Variants in DCC observed in about 807,000 individuals in gnomAD.
DCC encodes netrin receptor DCC.
Under a neutral mutation model 172.5 loss-of-function variants are expected in DCC, and 58 were observed. The ratio of observed to expected loss-of-function variants is 0.34; its 90% CI spans 0.27 to 0.42. The LOEUF is 0.42. Among genes scored for constraint, DCC ranks in the 10% least tolerant of loss-of-function variants. The pLI, the probability that DCC is intolerant of heterozygous loss-of-function variation, is 1.00. For synonymous variants in DCC, 709 were observed against 644.5 expected, an observed-to-expected ratio of 1.10 and a Z score of -1.52; for missense variants, 1,740 against 1,791.0, an observed-to-expected ratio of 0.97 and a Z score of 0.51.
In DCC at chr18:53,391,661, C is replaced by T. The variant is rs779182036; in HGVS notation, c.2462C>T (p.Thr821Ile). Reference sequence around the variant, plus strand: ...GGTGGGTTTTTAAACCCAGATCCCACTGACCCAGTTGATTATTATCCTTTG... The same window carrying T: ...GGTGGGTTTTTAAACCCAGATCCCATTGACCCAGTTGATTATTATCCTTTG... ...SATTRSITDP[T>I]DPVDYYPLLD... The change falls in exon 17 of 29, where the codon ACT becomes ATT. Residue 821 changes from threonine (T) to isoleucine (I), a missense_variant. Transcript: ENST00000442544. 5.6e-6 allele frequency: 9 copies of T among 1,612,396 alleles called. No individual in the cohort carries two copies. The highest frequency in any genetic ancestry group is 7.6e-6 in the Non-Finnish European group (9 of 1,178,440).
intron 5 of DCC, among the ~76,000 whole-genome samples, chr18:53,033,812 A>G (rs2042056962): frequency 1.3e-5 from 2 of 152,126 alleles, no homozygotes; most frequent in African/African-American, 2.4e-5. Context: ...GTAGTCTTAT[A>G]CAGTCTGTCT....
intron 2 of DCC, among the ~76,000 whole-genome samples, chr18:52,820,309 C>G (rs993333022): frequency 6.6e-6 from 1 of 152,044 alleles, no homozygotes; most frequent in Non-Finnish European, 1.5e-5. Context: ...AAAGAAAAAA[C>G]GATGAAAATG....
intron 5 of DCC, among the ~76,000 whole-genome samples, chr18:52,971,293 T>C (rs1424605225): frequency 1.3e-5 from 2 of 152,086 alleles, no homozygotes; most frequent in African/African-American, 4.8e-5. Context: ...CTGCTACCAA[T>C]TGAACATTAT....
At chr18:53,001,020 G>A (rs1252498655) in intron 5 of DCC, among the ~76,000 whole-genome samples, 1 of 151,880 alleles carries the variant, frequency 6.6e-6, no homozygotes, top group Non-Finnish European at 1.5e-5. Flanking sequence ...TATGTTCAGT[G>A]ACATCAAGTT....
chr18:53,303,437 T>C (rs1237454134), intron 12 of DCC, among the ~76,000 whole-genome samples: 2 of 152,240 alleles, frequency 1.3e-5, no homozygotes, highest in East Asian at 1.9e-4. Flanking sequence ...ACTTCCTTTA[T>C]GCTAAGGGCC....
chr18:53,293,216 G>A (rs932312148), intron 12 of DCC, among the ~76,000 whole-genome samples: 1 of 152,116 alleles, frequency 6.6e-6, no homozygotes, highest in Admixed American at 6.5e-5. Flanking sequence ...CATACAGTCC[G>A]TGAATACCTT....
chr18:52,529,728 G>A (rs2144681476), intron 1 of DCC, among the ~76,000 whole-genome samples: 1 of 152,280 alleles, frequency 6.6e-6, no homozygotes, highest in South Asian at 2.1e-4. Flanking sequence ...GCAGATATAA[G>A]AATTATCCTT....
chr18:52,579,505 C>A (rs1384478439), intron 1 of DCC, among the ~76,000 whole-genome samples: 1 of 151,806 alleles, frequency 6.6e-6, no homozygotes, highest in East Asian at 1.9e-4. Context: ...AGTGATAAAT[C>A]TTTTATTGTG....
rs2046523524 is a variant in DCC at position 53,531,336 on chromosome 18, A to G, written c.*683A>G. On this transcript the variant is annotated 3_prime_UTR_variant, in exon 29 of 29. Transcript: ENST00000442544. The stretch of plus-strand genomic sequence containing the variant: ...TAATATGTATGTCTGGAGTCCAGGA[A>G]TATAAAAATCTGCAACTAGTGGCAT... The G allele has an allele frequency of 6.4e-6, 1 of 155,192 alleles. No homozygotes were observed. The allele number at this position is 155,192 out of a possible 1,614,324, so 9.6% of individuals were successfully genotyped here.
At chr18:52,869,682 C>T (rs1031248685) in intron 2 of DCC, among the ~76,000 whole-genome samples, 1 of 152,236 alleles carries the variant, frequency 6.6e-6, no homozygotes, top group Admixed American at 6.5e-5. Flanking sequence ...CCCTTGGCTT[C>T]CTCCCATGCT....
Position 53,486,863 on chromosome 18 carries a change from C to T in DCC, c.3803C>T (p.Pro1268Leu). ...CAGTACCCAGGAATCCTCCCGTCTC[C>T]CACCTGTGGATATCCCCACCCGCAG... ...SAQYPGILPS[P>L]TCGYPHPQFT... Residue 1268 changes from proline to leucine, a missense_variant, in exon 26 of 29, where the codon CCC (proline) becomes CTC (leucine). Physicochemically the swap from Pro to Leu is moderately conservative, Grantham distance 98. Coordinates refer to ENST00000442544, the MANE Select transcript of DCC (RefSeq NM_005215.4). 3 of 1,614,176 alleles carry T rather than the reference C, an allele frequency of 1.9e-6. No individual in the cohort carries two copies. Among genetic ancestry groups the T allele is most frequent in the Non-Finnish European group, 2.5e-6 (3 of 1,180,040 alleles).
At chr18:52,847,432 A>G (rs1267158335) in intron 2 of DCC, among the ~76,000 whole-genome samples, 1 of 152,200 alleles carries the variant, frequency 6.6e-6, no homozygotes, top group Non-Finnish European at 1.5e-5. Flanking sequence ...TCAAGGGCTC[A>G]GAACGGTAGC....
chr18:52,359,182 T>C (rs778306040), intron 1 of DCC, among the ~76,000 whole-genome samples: 4 of 152,122 alleles, frequency 2.6e-5, no homozygotes, highest in Non-Finnish European at 4.4e-5. Context: ...CATAAATGAG[T>C]TACTGCAGAG....
At chr18:53,289,511 G>T (rs1250484051) in intron 12 of DCC, among the ~76,000 whole-genome samples, 1 of 152,234 alleles carries the variant, frequency 6.6e-6, no homozygotes, top group East Asian at 1.9e-4. Flanking sequence ...TCACTGGAAA[G>T]AATCAATCAT....
chr18:53,205,182 C>T (rs745563157), intron 9 of DCC, 34 bp from the exon 10 acceptor site: 3 of 1,586,150 alleles, frequency 1.9e-6, no homozygotes, highest in Middle Eastern at 1.7e-4. Context: ...ATCCTAATCA[C>T]TTTTCTTTCT....
chr18:53,458,142 G>A (rs1599172190), intron 23 of DCC, among the ~76,000 whole-genome samples: 2 of 152,254 alleles, frequency 1.3e-5, no homozygotes, highest in South Asian at 4.1e-4. Flanking sequence ...TGCTTCTCTA[G>A]TCTGCTGTCA....
intron 1 of DCC, among the ~76,000 whole-genome samples, chr18:52,527,617 G>A (rs540465348): frequency 6.6e-6 from 1 of 152,294 alleles, no homozygotes; most frequent in Admixed American, 6.5e-5. Context: ...CCATTAGTAT[G>A]TATATGTTGG....
At chr18:52,927,118 T>A (rs1467924201) in intron 5 of DCC, among the ~76,000 whole-genome samples, 1 of 92,826 alleles carries the variant, frequency 1.1e-5, no homozygotes, top group Non-Finnish European at 2.4e-5. Context: ...CGTATATACG[T>A]GTATATACAC....
intron 7 of DCC, among the ~76,000 whole-genome samples, chr18:53,087,530 A>G (rs1676416963): frequency 6.6e-6 from 1 of 151,578 alleles, no homozygotes; most frequent in Admixed American, 6.6e-5. Flanking sequence ...AGGTTGTGAA[A>G]ATTTTCTCCC....
Sources: allele counts gnomAD v4.1 joint callset (sites outside exome capture counted in the v4.1 genomes callset), GRCh38; gene constraint gnomAD v4.1.1; transcripts MANE v1.5; gene names NCBI Gene and HGNC (gene_info 2026-07-23, HGNC 2026-07-21).